The following SULT1A1 variants were observed in gnomAD, a reference collection of about 807,000 sequenced individuals.
SULT1A1 encodes sulfotransferase family 1A member 1.
A neutral mutation model predicts 36.8 loss-of-function variants in SULT1A1; 35 were observed. The ratio of observed to expected loss-of-function variants is 0.95; its 90% CI spans 0.73 to 1.26. The LOEUF (loss-of-function observed/expected upper bound fraction) is 1.26. Ranked by LOEUF, SULT1A1 falls within the 50% of genes most tolerant of loss-of-function variation. SULT1A1 has a pLI of 0.00. For missense variants in SULT1A1, 309 were observed against 383.0 expected (o/e 0.81, Z 1.61); for synonymous variants, 119 against 146.0 (o/e 0.82, Z 1.33).
chr16:28,623,267 GA>G, exon 1 of SULT1A1: 1 of 1,544,220 alleles, frequency 6.5e-7, no homozygotes, highest in Non-Finnish European at 8.7e-7. Context: ...AGTTGGCGTG[GA>G]AGGTCACCAC....
At chr16:28,616,925 G>A (rs556848196) in intron 2 of SULT1A1, among the ~76,000 whole-genome samples, 15 of 152,260 alleles carry the variant, frequency 9.9e-5, no homozygotes, top group African/African-American at 3.6e-4. Flanking sequence ...GCATACCGTG[G>A]TGCTTTACAC....
At chr16:28,622,518 A>C (rs1341143211) in intron 1 of SULT1A1, among the ~76,000 whole-genome samples, 1 of 152,044 alleles carries the variant, frequency 6.6e-6, no homozygotes, top group African/African-American at 2.4e-5. Context: ...CCCAGGGGAA[A>C]ATCTTGTTAC....
At chr16:28,609,329 C>A (rs1170462067) in intron 1 of SULT1A1, 1 of 1,285,488 alleles carries the variant, frequency 7.8e-7, no homozygotes, top group East Asian at 5.4e-5. Flanking sequence ...CATGTGGAAA[C>A]CGCCCAGGCC....
At chr16:28,610,574 CA>C (rs2047413326), upstream of SULT1A1, 6 of 235,680 alleles carry the variant, frequency 2.5e-5, no homozygotes, top group South Asian at 2.8e-4. Context: ...AGTGAAGGGG[CA>C]GGGGTGGAGC....
In SULT1A1 at chr16:28,605,620, AT is replaced by A; in HGVS notation, c.*200del. ...TTAAAAATTGGTTTTATTTTATTTT[AT>A]TTTTTTAACAGAATCTCACTATGTT... On this transcript the variant is annotated 3_prime_UTR_variant, in exon 8 of 8. Coordinates refer to ENST00000314752, the MANE Select transcript of SULT1A1 (RefSeq NM_001055.4). The A allele has an allele frequency of 4.5e-6, 4 of 883,104 alleles. No homozygotes were observed. Among genetic ancestry groups the A allele is most frequent in the East Asian group, 5.3e-5 (2 of 37,666 alleles). 54.7% of individuals were successfully genotyped at this position (883,104 alleles called of 1,614,324 possible). A position where few individuals can be genotyped will look rare whatever the true frequency, so the allele number is the denominator to read the frequency against.
intron 5 of SULT1A1, 46 bp downstream of exon 5, chr16:28,606,905 C>T: frequency 1.2e-6 from 2 of 1,612,378 alleles, no homozygotes; most frequent in Non-Finnish European, 1.7e-6. Flanking sequence ...TGCGTTGTAG[C>T]CACCACCCCT....
At chr16:28,607,237 C>G in intron 4 of SULT1A1, 160 bp from the exon 5 acceptor site, 1 of 1,329,314 alleles carries the variant, frequency 7.5e-7, no homozygotes, top group Non-Finnish European at 1.0e-6. Flanking sequence ...GAACCCTGCT[C>G]AGAAGCCAAA....
chr16:28,608,072 C>T, intron 4 of SULT1A1: 1 of 645,970 alleles, frequency 1.5e-6, no homozygotes. Context: ...ACCACAACCT[C>T]CTTCTCCCGG....
At chr16:28,619,489 G>A (rs1428884099) in intron 2 of SULT1A1, among the ~76,000 whole-genome samples, 2 of 152,136 alleles carry the variant, frequency 1.3e-5, no homozygotes, top group Non-Finnish European at 2.9e-5. Flanking sequence ...GTTGAGGTGG[G>A]AGAATAACTG....
At chr16:28,609,163 A>C in intron 1 of SULT1A1, 2 of 1,373,486 alleles carry the variant, frequency 1.5e-6, no homozygotes, top group Non-Finnish European at 1.9e-6. Flanking sequence ...GGGTGTGTGA[A>C]GGTCTCCAGG....
Position 28,605,615 on chromosome 16 carries a change from A to C in SULT1A1, c.*206T>G. ...TCTTTTTAAAAATTGGTTTTATTTTATTTTATTTTTTTAACAGAATCTCAC... is the reference window on the plus strand; with the variant it reads ...TCTTTTTAAAAATTGGTTTTATTTTCTTTTATTTTTTTAACAGAATCTCAC... On this transcript the variant is annotated 3_prime_UTR_variant, in exon 8 of 8. Transcript: ENST00000314752. The C allele has an allele frequency of 1.2e-6, 1 of 861,242 alleles. No homozygotes were observed. The highest frequency in any genetic ancestry group is 1.8e-6 in the Non-Finnish European group (1 of 563,402). The allele number at this position is 861,242 out of a possible 1,614,324, so 53.4% of individuals were successfully genotyped here.
intron 4 of SULT1A1, chr16:28,607,921 T>C (rs2047281181): frequency 6.3e-6 from 1 of 158,554 alleles, no homozygotes; most frequent in South Asian, 1.9e-4. Flanking sequence ...CAATTTGGCC[T>C]CCCAAAGTGC....
chr16:28,609,755 G>T, intron 1 of SULT1A1, 176 bp downstream of exon 1: 1 of 784,614 alleles, frequency 1.3e-6, no homozygotes, highest in Non-Finnish European at 1.7e-6. Context: ...TGGCCTCCCC[G>T]GGGAAAAAAA....
At chr16:28,619,993 TTG>T (rs113783918) in intron 2 of SULT1A1, 6,007 of 1,101,520 alleles carry the variant, frequency 5.5e-3, no homozygotes, top group Admixed American at 6.4e-3. Context: ...GTATTGTATA[TTG>T]TGTGTGTGTG....
intron 2 of SULT1A1, among the ~76,000 whole-genome samples, chr16:28,616,611 C>T (rs909896637): frequency 1.3e-5 from 2 of 152,034 alleles, no homozygotes; most frequent in African/African-American, 4.8e-5. Flanking sequence ...TAAATACAGA[C>T]AGGGTCTTGC....
At chr16:28,614,004 GCCGCGCCCAA>G (rs2047480229), upstream of SULT1A1, 1 of 183,140 alleles carries the variant, frequency 5.5e-6, no homozygotes, top group East Asian at 1.9e-4. Flanking sequence ...TGTGAGCCCT[GCCGCGCCCAA>G]CCGCGGGTCC....
intron 2 of SULT1A1, among the ~76,000 whole-genome samples, chr16:28,617,862 A>G (rs1253416450): frequency 6.6e-6 from 1 of 151,948 alleles, no homozygotes; most frequent in Admixed American, 6.6e-5. Context: ...TCTTCCCAAA[A>G]AATCTCCAAA....
intron 1 of SULT1A1, among the ~76,000 whole-genome samples, chr16:28,622,781 G>A (rs1316553500): frequency 6.6e-6 from 1 of 152,052 alleles, no homozygotes; most frequent in Non-Finnish European, 1.5e-5. Context: ...TTTTCAGGGG[G>A]CAAAGACCTC....
chr16:28,607,644 CAG>C (rs1232306146), intron 4 of SULT1A1: 3 of 30,000 alleles, frequency 1.0e-4, no homozygotes, highest in East Asian at 9.0e-4. Flanking sequence ...ATTTTTGAGA[CAG>C]AGAGTCTCAA....
Sources: gnomAD v4.1 joint callset for allele counts (sites outside exome capture counted in the v4.1 genomes callset) on GRCh38, gnomAD v4.1.1 for gene constraint, MANE v1.5 for transcripts, NCBI Gene and HGNC (gene_info 2026-07-23, HGNC 2026-07-21) for gene names.